SIGLEC7: variants seen among roughly 807,000 people sequenced by gnomAD.
The protein encoded by SIGLEC7 is sialic acid binding Ig like lectin 7.
In SIGLEC7, 33 loss-of-function variants were observed where a neutral mutation model predicts 40.8. The observed-to-expected ratio is 0.81, with a 90% CI of 0.61 to 1.08. The LOEUF (loss-of-function observed/expected upper bound fraction) is 1.08, where lower values mean the gene tolerates loss of function less well. Ranked by LOEUF, SIGLEC7 falls within the 50% of genes least tolerant of loss-of-function variation. SIGLEC7 has a pLI of 0.00. For missense variants in SIGLEC7, 513 were observed against 576.1 expected (o/e 0.89, Z 1.12); for synonymous variants, 242 against 237.6 (o/e 1.02, Z -0.17).
Position 51,145,070 on chromosome 19 carries a change from G to C in SIGLEC7, c.760+111G>C. The C allele has an allele frequency of 9.4e-7, 1 of 1,069,360 alleles. No individual in the cohort carries two copies. Among genetic ancestry groups the C allele is most frequent in the South Asian group, 1.3e-5 (1 of 77,156 alleles). 66.2% of individuals were successfully genotyped at this position (1,069,360 alleles called of 1,614,324 possible). ...CCTGGTGATATGAGACTCCCTTGTA[G>C]TTGAACCCAGGCCTCCTCCCCATCC... On this transcript the variant is annotated intron_variant, in intron 3 of 6. Transcript: ENST00000317643. The surrounding 1 kb of genome is among the most constrained non-coding windows in gnomAD (Gnocchi z 4.3).
At chr19:51,147,060 G>A (rs562125877) in intron 5 of SIGLEC7, 161 bp from the exon 6 acceptor site, 13 of 1,179,778 alleles carry the variant, frequency 1.1e-5, no homozygotes, top group East Asian at 7.7e-5. Flanking sequence ...CCAGGAGGCA[G>A]GAGCCTCTGT....
intron 6 of SIGLEC7, among the ~76,000 whole-genome samples, chr19:51,152,011 A>C (rs534273731): frequency 1.4e-4 from 22 of 152,220 alleles, no homozygotes; most frequent in Admixed American, 1.2e-3. Context: ...ATTACCATGC[A>C]TTTCCTGGCT....
At chr19:51,152,388 G>C (rs1381958971) in intron 6 of SIGLEC7, among the ~76,000 whole-genome samples, 1 of 152,098 alleles carries the variant, frequency 6.6e-6, no homozygotes, top group Non-Finnish European at 1.5e-5. Flanking sequence ...AGATTCACAG[G>C]TTTCAGGGGA....
intron 6 of SIGLEC7, 70 bp downstream of exon 6, chr19:51,147,387 T>A (rs1279005047): frequency 3.5e-6 from 5 of 1,418,952 alleles, no homozygotes; most frequent in Non-Finnish European, 4.8e-6. Flanking sequence ...CCTCCAGGAT[T>A]TCTCTGCTTA....
chr19:51,149,830 T>C (rs2092132868), intron 6 of SIGLEC7, among the ~76,000 whole-genome samples: 2 of 152,216 alleles, frequency 1.3e-5, no homozygotes, highest in African/African-American at 4.8e-5. Flanking sequence ...ATTTGAGCAG[T>C]GTTTTGTAAT....
chr19:51,143,485 G>A (rs896303647), intron 1 of SIGLEC7, among the ~76,000 whole-genome samples: 3 of 152,182 alleles, frequency 2.0e-5, no homozygotes, highest in African/African-American at 7.2e-5. Flanking sequence ...GTGCTCCAGG[G>A]AAGCCCGGAG....
chr19:51,144,212 C>T, intron 1 of SIGLEC7, 194 bp from the exon 2 acceptor site: 1 of 831,502 alleles, frequency 1.2e-6, no homozygotes, highest in Non-Finnish European at 2.0e-6. Context: ...AGATAAGGCA[C>T]AGGCTCCAGG....
chr19:51,145,065 T>C lies in SIGLEC7; in HGVS notation c.760+106T>C. ...CTCACCCTGGTGATATGAGACTCCC[T>C]TGTAGTTGAACCCAGGCCTCCTCCC... On this transcript the variant is annotated intron_variant, in intron 3 of 6. Transcript: ENST00000317643. The surrounding 1 kb of genome is among the most constrained non-coding windows in gnomAD (Gnocchi z 4.3). 8.7e-7 allele frequency: 1 copy of C among 1,142,910 alleles called. No homozygotes were observed. Among genetic ancestry groups the C allele is most frequent in the Non-Finnish European group, 1.3e-6 (1 of 760,046 alleles). The allele number at this position is 1,142,910 out of a possible 1,614,324, so 70.8% of individuals were successfully genotyped here. A position where few individuals can be genotyped will look rare whatever the true frequency, so the allele number is the denominator to read the frequency against.
intron 6 of SIGLEC7, among the ~76,000 whole-genome samples, chr19:51,149,109 G>C (rs996233379): frequency 6.6e-6 from 1 of 152,118 alleles, no homozygotes; most frequent in Non-Finnish European, 1.5e-5. Context: ...CTCCCATTCC[G>C]GTTGTTTACT....
At chr19:51,151,299 T>TG (rs1346013147) in intron 6 of SIGLEC7, among the ~76,000 whole-genome samples, 1 of 152,152 alleles carries the variant, frequency 6.6e-6, no homozygotes, top group Non-Finnish European at 1.5e-5. Flanking sequence ...AGAATGGAGG[T>TG]GCCAATCATT....
At position 51,144,933 on chromosome 19, in the gene SIGLEC7, T is replaced by G; in HGVS notation, c.734T>G (p.Val245Gly). ...CCAGACCCTCCTCAGAACTTGACTG[T>G]GACTGTCTTCCAAGGAGAAGGCACA... Reference protein sequence around the residue: ...NVSYPPQNLTVTVFQGEGTAS... With the variant: ...NVSYPPQNLTGTVFQGEGTAS... The change falls in exon 3 of 7, where the codon GTG becomes GGG. Residue 245 changes from valine (V) to glycine (G), a missense_variant. Val to Gly is a moderately radical substitution (Grantham distance 109). Coordinates refer to ENST00000317643, the MANE Select transcript of SIGLEC7 (RefSeq NM_014385.4). The G allele has an allele frequency of 1.9e-6, 3 of 1,614,056 alleles. No individual in the cohort carries two copies. Among genetic ancestry groups the G allele is most frequent in the Non-Finnish European group, 2.5e-6 (3 of 1,179,960 alleles).
At chr19:51,149,257 C>T (rs2092129194) in intron 6 of SIGLEC7, among the ~76,000 whole-genome samples, 2 of 152,188 alleles carry the variant, frequency 1.3e-5, no homozygotes, top group African/African-American at 4.8e-5. Flanking sequence ...ATATTGCCTA[C>T]ATTGTCTTCC....
At chr19:51,144,177 C>T (rs903541090) in intron 1 of SIGLEC7, 49 of 753,906 alleles carry the variant, frequency 6.5e-5, no homozygotes, top group Non-Finnish European at 9.7e-5. Flanking sequence ...AATTACAAAA[C>T]GAAGCAGCTC....
chr19:51,143,200 G>A (rs2092081880), intron 1 of SIGLEC7, among the ~76,000 whole-genome samples: 1 of 152,056 alleles, frequency 6.6e-6, no homozygotes, highest in Non-Finnish European at 1.5e-5. Flanking sequence ...ATTGTTAAAC[G>A]TCCTGGGGGG....
rs1358460521 is a variant in SIGLEC7 at position 51,153,229 on chromosome 19, T to C, written c.1388T>C (p.Ile463Thr). ...GCCACCAACAATGAGTACTCAGAGATCAAGATCCCCAAGTAAGAAAATGCA... is the reference window on the plus strand; with the variant it reads ...GCCACCAACAATGAGTACTCAGAGACCAAGATCCCCAAGTAAGAAAATGCA... ...QEATNNEYSE[I>T]KIPK The change falls in exon 7 of 7, where the codon ATC (isoleucine) becomes ACC (threonine). Residue 463 changes from isoleucine (I) to threonine (T), a missense_variant. Physicochemically the swap from Ile to Thr is moderately conservative, Grantham distance 89. Transcript: ENST00000317643. The C allele has an allele frequency of 6.3e-7, 1 of 1,575,812 alleles. No homozygotes were observed.
At chr19:51,152,969 C>A (rs1599837095) in intron 6 of SIGLEC7, 94 bp from the exon 7 acceptor site, 1 of 1,096,672 alleles carries the variant, frequency 9.1e-7, no homozygotes, top group Non-Finnish European at 1.3e-6. Context: ...AGGAATATAT[C>A]CGAACCAACC....
intron 6 of SIGLEC7, among the ~76,000 whole-genome samples, chr19:51,152,508 G>A (rs183616695): frequency 2.0e-5 from 3 of 152,276 alleles, no homozygotes; most frequent in Admixed American, 6.5e-5. Context: ...CTAAGAGCAG[G>A]TGCCCCATCC....
rs138539951 is a variant in SIGLEC7, at chr19:51,150,206, G to A, written c.1222-2857G>A. Among the ~76,000 whole-genome samples the A allele has an allele frequency of 8.4e-3, 1,285 of 152,268 alleles. 11 individuals are homozygous for A. Among genetic ancestry groups the A allele is most frequent in the South Asian group, 0.028 (133 of 4,826 alleles). On this transcript the variant is annotated intron_variant, in intron 6 of 6. Transcript: ENST00000317643. The stretch of plus-strand genomic sequence containing the variant: ...CGTTAAACAGGAGTGGTGAGAGAGG[G>A]CATCCTTGTCTTGTGCTGGCTTTCA...
intron 6 of SIGLEC7, among the ~76,000 whole-genome samples, chr19:51,147,916 AC>A (rs2092120862): frequency 6.6e-6 from 1 of 152,228 alleles, no homozygotes; most frequent in Admixed American, 6.5e-5. Context: ...TCAGCCGTAG[AC>A]CATGTGTAAA....
Sources: allele counts gnomAD v4.1 joint callset (sites outside exome capture counted in the v4.1 genomes callset), GRCh38; gene constraint gnomAD v4.1.1; non-coding constraint Gnocchi (gnomAD v3.1); transcripts MANE v1.5; gene names NCBI Gene and HGNC (gene_info 2026-07-23, HGNC 2026-07-21).